CFDP1: variants seen among roughly 807,000 people sequenced by gnomAD.
The protein encoded by CFDP1 is heterochromatin-stabilizing protein CFDP1.
A neutral mutation model predicts 40.1 loss-of-function variants in CFDP1; 31 were observed. The observed-to-expected ratio is 0.77, with a 90% CI of 0.58 to 1.04. The LOEUF (loss-of-function observed/expected upper bound fraction) is 1.04. Ranked by LOEUF, CFDP1 falls within the 50% of genes least tolerant of loss-of-function variation. The pLI is 0.00. For synonymous variants in CFDP1, 167 were observed against 120.0 expected, an observed-to-expected ratio of 1.39 and a Z score of -2.56; for missense variants, 423 against 343.4, an observed-to-expected ratio of 1.23 and a Z score of -1.83.
At chr16:75,352,710 T>TGG (rs768875592) in intron 5 of CFDP1, among the ~76,000 whole-genome samples, 28 of 152,328 alleles carry the variant, frequency 1.8e-4, no homozygotes, top group Admixed American at 9.8e-4. Context: ...CTACTCTGAG[T>TGG]ACCCATACAC....
chr16:75,371,961 C>G lies in CFDP1; in HGVS notation c.650+23129G>C, dbSNP rs1240593000. Among the ~76,000 whole-genome samples the G allele has an allele frequency of 2.0e-5, 3 of 152,246 alleles. No homozygotes were observed. In the South Asian group the frequency reaches 6.2e-4, roughly 32 times the overall value. On this transcript the variant is annotated intron_variant, in intron 5 of 6. Transcript: ENST00000283882. ...AAAAACTACTAATTTTCATTGAGTCCTTCTGTGCCAGGAACTGTAGTGACA... is the reference window on the plus strand; with the variant it reads ...AAAAACTACTAATTTTCATTGAGTCGTTCTGTGCCAGGAACTGTAGTGACA...
At chr16:75,407,738 A>T (rs1056863806) in intron 4 of CFDP1, among the ~76,000 whole-genome samples, 8 of 152,118 alleles carry the variant, frequency 5.3e-5, no homozygotes, top group Non-Finnish European at 1.2e-4. Context: ...TCACTAAAAA[A>T]TAACTGTAAT....
chr16:75,379,998 C>G (rs1047632854), intron 5 of CFDP1: 1 of 151,762 alleles, frequency 6.6e-6, no homozygotes, highest in African/African-American at 2.4e-5. Context: ...ATTAGACAGG[C>G]GTGCAGGTAC....
intron 5 of CFDP1, among the ~76,000 whole-genome samples, chr16:75,375,824 T>C (rs904798975): frequency 1.5e-4 from 22 of 150,866 alleles, no homozygotes; most frequent in Middle Eastern, 3.4e-3. Flanking sequence ...ACATCACATG[T>C]GAACAAGGAT....
chr16:75,428,117 A>G (rs1206757235), intron 1 of CFDP1, among the ~76,000 whole-genome samples: 1 of 145,892 alleles, frequency 6.9e-6, no homozygotes, highest in Non-Finnish European at 1.5e-5. Context: ...TACAAAGAGT[A>G]GCAGGGGAAA....
At chr16:75,361,583 C>A (rs2078679528) in intron 5 of CFDP1, among the ~76,000 whole-genome samples, 1 of 152,074 alleles carries the variant, frequency 6.6e-6, no homozygotes, top group Non-Finnish European at 1.5e-5. Flanking sequence ...TGCCACTGCA[C>A]TCCAGCCTGG....
intron 5 of CFDP1, among the ~76,000 whole-genome samples, chr16:75,367,120 C>T (rs1340884941): frequency 6.9e-5 from 10 of 145,190 alleles, no homozygotes; most frequent in South Asian, 2.2e-4. Flanking sequence ...GCCGAGATGG[C>T]GCCACTGCAT....
intron 5 of CFDP1, among the ~76,000 whole-genome samples, chr16:75,359,072 T>A (rs1416750158): frequency 6.6e-6 from 1 of 152,240 alleles, no homozygotes; most frequent in Non-Finnish European, 1.5e-5. Flanking sequence ...TGAGTGAGAC[T>A]AAATTTTCTT....
chr16:75,317,946 C>G (rs553107009), intron 5 of CFDP1, among the ~76,000 whole-genome samples: 2 of 151,906 alleles, frequency 1.3e-5, no homozygotes, highest in African/African-American at 4.8e-5. Flanking sequence ...CCCCACCCCC[C>G]ATCTCTACTA....
chr16:75,432,555 AAACAG>A (rs2079434506), intron 1 of CFDP1, among the ~76,000 whole-genome samples: 1 of 152,014 alleles, frequency 6.6e-6, no homozygotes, highest in Non-Finnish European at 1.5e-5. Flanking sequence ...TCTTTAAATA[AAACAG>A]AACAGAACAA....
At chr16:75,329,432 T>C (rs2078428808) in intron 5 of CFDP1, among the ~76,000 whole-genome samples, 1 of 152,176 alleles carries the variant, frequency 6.6e-6, no homozygotes, top group Non-Finnish European at 1.5e-5. Context: ...CCGTGTGACT[T>C]TGATGTTAAA....
chr16:75,399,056 CAAAAAAAAAAAAAAA>C (rs58692180), intron 4 of CFDP1, among the ~76,000 whole-genome samples: 4 of 98,064 alleles, frequency 4.1e-5, no homozygotes, highest in African/African-American at 1.1e-4. Context: ...GACTCCGTCT[CAAAAAAAAAAAAAAA>C]AAAAAAAAGA....
chr16:75,352,669 T>C (rs749722361), intron 5 of CFDP1, among the ~76,000 whole-genome samples: 24 of 152,234 alleles, frequency 1.6e-4, no homozygotes, highest in Middle Eastern at 3.2e-3. Context: ...CCTTTTATCA[T>C]GGTGTGAAAG....
chr16:75,388,368 G>C (rs893703490), intron 5 of CFDP1, among the ~76,000 whole-genome samples: 2 of 152,142 alleles, frequency 1.3e-5, no homozygotes, highest in East Asian at 1.9e-4. Flanking sequence ...TAGTATGTTT[G>C]GTATTTAATC....
intron 5 of CFDP1, among the ~76,000 whole-genome samples, chr16:75,368,462 T>C (rs915802096): frequency 6.6e-6 from 1 of 152,156 alleles, no homozygotes; most frequent in South Asian, 2.1e-4. Context: ...CATGGAGAGA[T>C]TCATTATGCT....
At chr16:75,323,802 T>C (rs1235531325) in intron 5 of CFDP1, among the ~76,000 whole-genome samples, 1 of 151,056 alleles carries the variant, frequency 6.6e-6, no homozygotes, top group East Asian at 1.9e-4. Context: ...AAAAGTATAC[T>C]ATACATACAT....
chr16:75,322,335 C>A (rs1046633730), intron 5 of CFDP1, among the ~76,000 whole-genome samples: 1 of 152,182 alleles, frequency 6.6e-6, no homozygotes, highest in African/African-American at 2.4e-5. Flanking sequence ...CTGTCCCTCC[C>A]ACTTAATAAA....
chr16:75,426,601 AG>A (rs1282076849), intron 1 of CFDP1, among the ~76,000 whole-genome samples: 6 of 151,810 alleles, frequency 4.0e-5, no homozygotes, highest in Non-Finnish European at 5.9e-5. Flanking sequence ...GTTTGAGCCC[AG>A]GAAGTAAAGG....
chr16:75,380,163 C>T (rs1361904333), intron 5 of CFDP1: 1 of 151,706 alleles, frequency 6.6e-6, no homozygotes, highest in African/African-American at 2.4e-5. Flanking sequence ...AGAAAAGCTA[C>T]ATAGGGTATC....
Sources: allele counts gnomAD v4.1 joint callset (sites outside exome capture counted in the v4.1 genomes callset), GRCh38; gene constraint gnomAD v4.1.1; transcripts MANE v1.5; gene names NCBI Gene and HGNC (gene_info 2026-07-23, HGNC 2026-07-21).